AGMO: variants seen among roughly 807,000 people sequenced by gnomAD.
AGMO encodes glyceryl-ether monooxygenase.
In AGMO, 75 loss-of-function variants were observed where a neutral mutation model predicts 60.2. The ratio of observed to expected loss-of-function variants is 1.25; its 90% confidence interval spans 1.03 to 1.51. The LOEUF is 1.51. Among genes scored for constraint, AGMO ranks in the 40% most tolerant of loss-of-function variants. The pLI, the probability that AGMO is intolerant of heterozygous loss-of-function variation, is 0.00. For synonymous variants in AGMO, 261 were observed against 177.1 expected, an observed-to-expected ratio of 1.47 and a Z score of -3.76; for missense variants, 763 against 525.5, an observed-to-expected ratio of 1.45 and a Z score of -4.42.
intron 3 of AGMO, among the ~76,000 whole-genome samples, chr7:15,532,252 G>T (rs1784387633): frequency 6.6e-6 from 1 of 152,130 alleles, no homozygotes; most frequent in African/African-American, 2.4e-5. Context: ...AGATAGGATT[G>T]GTGTTGATAT....
chr7:15,447,388 A>G (rs1781728275), intron 3 of AGMO, among the ~76,000 whole-genome samples: 3 of 152,188 alleles, frequency 2.0e-5, no homozygotes, highest in Admixed American at 6.5e-5. Flanking sequence ...GAACACTTGC[A>G]ACATTAAGTA....
At chr7:15,154,973 C>T in the AGMO span, among the ~76,000 whole-genome samples, 1 of 152,138 alleles carries the variant, frequency 6.6e-6, no homozygotes, top group Admixed American at 6.5e-5. Flanking sequence ...TCCACTGTTA[C>T]CCTGATGGGG....
At chr7:15,245,494 T>C (rs776407189) in intron 12 of AGMO, among the ~76,000 whole-genome samples, 8 of 152,154 alleles carry the variant, frequency 5.3e-5, no homozygotes, top group Non-Finnish European at 1.0e-4. Context: ...CCTTCCTTTT[T>C]CTGATCCTCC....
chr7:15,184,151 G>T, the AGMO span, among the ~76,000 whole-genome samples: 1 of 151,822 alleles, frequency 6.6e-6, no homozygotes. Context: ...AAACCGGAGT[G>T]CTCATTTGAA....
chr7:15,259,899 C>CAAAAAAAAAAAAAA lies in AGMO; in HGVS notation c.1264-58554_1264-58541dup. On this transcript the variant is annotated intron_variant, in intron 12 of 12. Coordinates refer to ENST00000342526, the MANE Select transcript of AGMO (RefSeq NM_001004320.2). The stretch of plus-strand genomic sequence containing the variant: ...TACCAAGCCAGCACTACAAGAACTG[C>CAAAAAAAAAAAAAA]AAAAAAAAAAAAAAAAAAAAAAAAA... Among the ~76,000 whole-genome samples, 22 of 9,414 alleles carry CAAAAAAAAAAAAAA rather than the reference C, an allele frequency of 2.3e-3. 1 individual carries two copies. The highest frequency in any genetic ancestry group is 3.5e-3 in the African/African-American group (7 of 2,004). 6.2% of individuals were successfully genotyped at this position (9,414 alleles called of 152,430 possible). A position where few individuals can be genotyped will look rare whatever the true frequency, so the allele number is the denominator to read the frequency against.
chr7:15,540,453 C>T (rs6953513), intron 3 of AGMO, among the ~76,000 whole-genome samples: 34,168 of 151,996 alleles, frequency 0.22, 4,093 homozygotes, highest in Middle Eastern at 0.24. Flanking sequence ...GAAAAGAGCA[C>T]GCTGGAAAAT....
chr7:15,550,403 A>G (rs1356473750), intron 2 of AGMO, among the ~76,000 whole-genome samples: 1 of 152,150 alleles, frequency 6.6e-6, no homozygotes, highest in African/African-American at 2.4e-5. Context: ...GGATCAACAA[A>G]ATTGATAGAC....
At chr7:15,308,909 T>TA (rs1402298664) in intron 12 of AGMO, among the ~76,000 whole-genome samples, 2 of 152,174 alleles carry the variant, frequency 1.3e-5, no homozygotes, top group African/African-American at 4.8e-5. Context: ...TCCAATTTGT[T>TA]AGACTTCAAA....
At chr7:15,176,851 C>T in the AGMO span, among the ~76,000 whole-genome samples, 1 of 151,870 alleles carries the variant, frequency 6.6e-6, no homozygotes, top group African/African-American at 2.4e-5. Flanking sequence ...AGGCTTCTGA[C>T]AGAATTTGCA....
chr7:15,153,412 T>A, the AGMO span, among the ~76,000 whole-genome samples: 1 of 152,174 alleles, frequency 6.6e-6, no homozygotes, highest in Admixed American at 6.5e-5. Flanking sequence ...ATGAAGCCTT[T>A]GCTTAAGCCA....
At chr7:15,246,509 A>G (rs1782747373) in intron 12 of AGMO, among the ~76,000 whole-genome samples, 2 of 152,202 alleles carry the variant, frequency 1.3e-5, no homozygotes, top group South Asian at 4.1e-4. Context: ...ATTCTTCAAC[A>G]GAAAACAGAA....
intron 12 of AGMO, among the ~76,000 whole-genome samples, chr7:15,334,522 T>A (rs1398193420): frequency 6.6e-6 from 1 of 152,140 alleles, no homozygotes; most frequent in Non-Finnish European, 1.5e-5. Context: ...GTAGATTATT[T>A]CTTCATCAGA....
chr7:15,197,072 G>A (rs1781136821), downstream of AGMO, among the ~76,000 whole-genome samples: 1 of 151,270 alleles, frequency 6.6e-6, no homozygotes, highest in Admixed American at 6.6e-5. Context: ...TTTTTCCACT[G>A]AGGCAGGCTT....
intron 12 of AGMO, among the ~76,000 whole-genome samples, chr7:15,309,450 C>G (rs900241656): frequency 3.3e-5 from 5 of 152,034 alleles, no homozygotes; most frequent in African/African-American, 1.2e-4. Context: ...TAAAACTAAG[C>G]CAACTTTGAA....
chr7:15,345,294 T>C lies in AGMO; in HGVS notation c.1263+20220A>G, dbSNP rs184515589. Among the ~76,000 whole-genome samples the C allele has an allele frequency of 1.4e-4, 22 of 152,274 alleles. No homozygotes were observed. The South Asian group carries it at 1.5e-3, about 10-fold the overall frequency. On this transcript the variant is annotated intron_variant, in intron 12 of 12. Transcript: ENST00000342526. The stretch of plus-strand genomic sequence containing the variant: ...CCCATTTTATGGAACACTCCAGCCA[T>C]AAGGAACGATTTTCAGTTCCCCAAC...
At chr7:15,421,602 T>C (rs1780926912) in intron 4 of AGMO, among the ~76,000 whole-genome samples, 2 of 152,062 alleles carry the variant, frequency 1.3e-5, no homozygotes, top group South Asian at 4.1e-4. Flanking sequence ...AATAGCAGTG[T>C]CGGAAGACAC....
At chr7:15,174,319 A>T in the AGMO span, among the ~76,000 whole-genome samples, 1 of 152,092 alleles carries the variant, frequency 6.6e-6, no homozygotes, top group Non-Finnish European at 1.5e-5. Context: ...AGAAGTGAGG[A>T]GTGGTGGTAT....
chr7:15,238,381 T>C (rs1051939752), intron 12 of AGMO, among the ~76,000 whole-genome samples: 2 of 151,872 alleles, frequency 1.3e-5, no homozygotes, highest in African/African-American at 4.8e-5. Context: ...CAATAATTTA[T>C]TGAATATTTT....
chr7:15,447,921 C>A (rs779944996), intron 3 of AGMO, among the ~76,000 whole-genome samples: 1 of 152,136 alleles, frequency 6.6e-6, no homozygotes. Flanking sequence ...CCTATATTCA[C>A]AATATCAAGC....
Sources: gnomAD v4.1 joint callset for allele counts (sites outside exome capture counted in the v4.1 genomes callset) on GRCh38, gnomAD v4.1.1 for gene constraint, MANE v1.5 for transcripts, NCBI Gene and HGNC (gene_info 2026-07-23, HGNC 2026-07-21) for gene names.